The following CUX1 variants were observed in gnomAD, a reference collection of about 807,000 sequenced individuals.
CUX1 encodes the protein cut like homeobox 1.
A neutral mutation model predicts 158.8 loss-of-function variants in CUX1; 31 were observed. The ratio of observed to expected loss-of-function variants is 0.20; its 90% CI spans 0.15 to 0.26. The LOEUF (loss-of-function observed/expected upper bound fraction) is 0.26. Ranked by LOEUF, CUX1 falls within the 10% of genes least tolerant of loss-of-function variation. The pLI, the probability that CUX1 is intolerant of heterozygous loss-of-function variation, is 1.00. For synonymous variants in CUX1, 879 were observed against 862.1 expected (o/e 1.02, Z -0.34); for missense variants, 1,589 against 2,014.6 (o/e 0.79, Z 4.04).
In CUX1 at chr7:102,193,881, T is replaced by A; in HGVS notation, c.1116T>A (p.Ala372=). 6.2e-7 allele frequency: 1 copy of A among 1,614,080 alleles called. No individual in the cohort carries two copies. The highest frequency in any genetic ancestry group is 1.7e-5 in the Admixed American group (1 of 60,002). The change falls in exon 13 of 24, where the codon GCT becomes GCA. Residue 372 remains alanine (A), a synonymous_variant. Coordinates refer to ENST00000292535, the MANE Select transcript of CUX1 (RefSeq NM_181552.4). Reference sequence around the variant, plus strand: ...TGGAGTTTGCACCGTCCGAGGGCGCTGGGACACAGGTACGTGTCTCACCTC... The same window carrying A: ...TGGAGTTTGCACCGTCCGAGGGCGCAGGGACACAGGTACGTGTCTCACCTC... ...KSMEFAPSEG[A]GTQDAAKPLE...
intron 5 of CUX1, among the ~76,000 whole-genome samples, chr7:102,100,623 G>A (rs965404491): frequency 3.3e-5 from 5 of 152,208 alleles, no homozygotes; most frequent in East Asian, 1.9e-4. Context: ...GAAGGTGGGC[G>A]GTGCACATCA....
At chr7:101,982,732 T>TA (rs1305005532) in intron 2 of CUX1, among the ~76,000 whole-genome samples, 10 of 152,110 alleles carry the variant, frequency 6.6e-5, no homozygotes, top group African/African-American at 2.4e-4. Flanking sequence ...CTTTTTTTTT[T>TA]TTATTATACT....
chr7:101,888,054 C>T (rs1800433714), intron 1 of CUX1, among the ~76,000 whole-genome samples: 1 of 152,106 alleles, frequency 6.6e-6, no homozygotes, highest in South Asian at 2.1e-4. Flanking sequence ...ATTATTGAGG[C>T]CGGGTGTGGT....
intron 3 of CUX1, among the ~76,000 whole-genome samples, chr7:102,035,374 A>G (rs1301548063): frequency 1.3e-5 from 2 of 152,120 alleles, no homozygotes; most frequent in African/African-American, 4.8e-5. Flanking sequence ...CCCAACTATA[A>G]GCTAATGTAA....
intron 20 of CUX1, among the ~76,000 whole-genome samples, chr7:102,206,129 G>A (rs1300015361): frequency 6.6e-6 from 1 of 152,202 alleles, no homozygotes; most frequent in Non-Finnish European, 1.5e-5. Flanking sequence ...GGGAACAGCT[G>A]TGTGGCAGTG....
Position 102,095,002 on chromosome 7 carries a change from A to AT in CUX1, c.269-2349dup, listed in dbSNP as rs782627346. ...CAAAGAACCATCTCCCCAAGATAGC[A>AT]TTTTTTTTTTTTTCCAAGACAGGAT... On this transcript the variant is annotated intron_variant, in intron 4 of 23. Transcript: ENST00000292535. Among the ~76,000 whole-genome samples, 297 of 144,412 alleles carry AT rather than the reference A, an allele frequency of 2.1e-3. 1 individual carries two copies. Among genetic ancestry groups the AT allele is most frequent in the South Asian group, 0.011 (48 of 4,532 alleles). The allele number at this position is 144,412 out of a possible 152,430, so 94.7% of individuals were successfully genotyped here. A position where few individuals can be genotyped will look rare whatever the true frequency, so the allele number is the denominator to read the frequency against.
intron 6 of CUX1, among the ~76,000 whole-genome samples, chr7:102,110,674 AGT>A (rs1304837404): frequency 6.6e-6 from 1 of 152,240 alleles, no homozygotes; most frequent in Non-Finnish European, 1.5e-5. Context: ...ATTATGCTAT[AGT>A]GTGTTATGTG....
At chr7:102,146,746 C>G (rs1179276964) in intron 8 of CUX1, among the ~76,000 whole-genome samples, 4 of 151,986 alleles carry the variant, frequency 2.6e-5, no homozygotes, top group Non-Finnish European at 4.4e-5. Flanking sequence ...TACAGGCGCA[C>G]GCCACCACAC....
chr7:102,229,225 C>T (rs1181549568), intron 21 of CUX1, among the ~76,000 whole-genome samples: 4 of 151,904 alleles, frequency 2.6e-5, no homozygotes, highest in Non-Finnish European at 4.4e-5. Context: ...CCTGGGTGCT[C>T]GGCCTGGGTT....
At chr7:101,898,193 A>G (rs914121160) in intron 1 of CUX1, among the ~76,000 whole-genome samples, 2 of 152,074 alleles carry the variant, frequency 1.3e-5, no homozygotes, top group Non-Finnish European at 2.9e-5. Context: ...AACATGTGAG[A>G]GGTAACTGGA....
chr7:102,222,802 G>A (rs1797937587), intron 20 of CUX1, among the ~76,000 whole-genome samples: 1 of 63,108 alleles, frequency 1.6e-5, no homozygotes. Context: ...GTGTCTCGGG[G>A]CACCGTATCT....
chr7:102,215,430 A>G lies in CUX1; in HGVS notation c.3130+10260A>G, dbSNP rs183730079. ...CATTTGGCTGGGATGCCGCTCTTTC[A>G]CGGTCCACTGCCTGATTAATATGCA... On this transcript the variant is annotated intron_variant, in intron 20 of 23. Transcript: ENST00000292535. Among the ~76,000 whole-genome samples the G allele has an allele frequency of 5.0e-4, 76 of 152,232 alleles. No individual in the cohort carries two copies. The East Asian group carries it at 0.013, about 27-fold the overall frequency.
intron 20 of CUX1, among the ~76,000 whole-genome samples, chr7:102,212,576 CA>C (rs1406268483): frequency 6.6e-6 from 1 of 152,154 alleles, no homozygotes; most frequent in African/African-American, 2.4e-5. Flanking sequence ...ACCATAGTTA[CA>C]AAATGCAAGC....
rs1804255276 is a variant in CUX1, at chr7:101,916,739, G to A, written c.141+514G>A. Among the ~76,000 whole-genome samples the A allele has an allele frequency of 2.6e-5, 4 of 152,258 alleles. No homozygotes were observed. In the South Asian group the frequency reaches 8.3e-4, roughly 32 times the overall value. On this transcript the variant is annotated intron_variant, in intron 2 of 23. Transcript: ENST00000292535. This position sits in a 1 kb window ranked among gnomAD's most constrained non-coding sequence, Gnocchi z 4.4. ...TGCTAGGCCTTTTAAATGCCTCTCT[G>A]TTTCTTGAAATATGCCGTAAAGGGC...
At chr7:102,042,829 AC>A (rs1463231766) in intron 3 of CUX1, among the ~76,000 whole-genome samples, 1 of 152,148 alleles carries the variant, frequency 6.6e-6, no homozygotes, top group African/African-American at 2.4e-5. Context: ...TCCCTCTGTC[AC>A]CCAGGCTGGA....
chr7:101,860,404 A>G (rs1797315275), intron 1 of CUX1, among the ~76,000 whole-genome samples: 1 of 152,206 alleles, frequency 6.6e-6, no homozygotes, highest in African/African-American at 2.4e-5. Flanking sequence ...AGATAATGTC[A>G]CTTCGAAAAA....
chr7:102,222,811 C>CTTTTTTTTTTTTTCTT (rs1797944088), intron 20 of CUX1, among the ~76,000 whole-genome samples: 1 of 25,510 alleles, frequency 3.9e-5, no homozygotes, highest in Non-Finnish European at 6.3e-5. Context: ...GGCACCGTAT[C>CTTTTTTTTTTTTTCTT]TTTTTTTTTT....
Position 102,127,135 on chromosome 7 carries a change from G to T in CUX1, c.674+11862G>T, listed in dbSNP as rs189512811. Among the ~76,000 whole-genome samples the T allele has an allele frequency of 4.6e-5, 7 of 152,344 alleles. No individual in the cohort carries two copies. The East Asian group carries it at 1.3e-3, about 29-fold the overall frequency. The stretch of plus-strand genomic sequence containing the variant: ...CCTGCAGCGCATCTCCTGCTGTGCG[G>T]CCCAGTTCCTAGCAGGCCACAGATG... On this transcript the variant is annotated intron_variant, in intron 8 of 23. Coordinates refer to ENST00000292535, the MANE Select transcript of CUX1 (RefSeq NM_181552.4).
chr7:101,887,850 T>C (rs866420542), intron 1 of CUX1, among the ~76,000 whole-genome samples: 61,912 of 143,210 alleles, frequency 0.43, 13,694 homozygotes, highest in African/African-American at 0.58. Context: ...GACATTTTTT[T>C]TTTTTTTTTT....
Sources: allele counts gnomAD v4.1 joint callset (sites outside exome capture counted in the v4.1 genomes callset), GRCh38; gene constraint gnomAD v4.1.1; non-coding constraint Gnocchi (gnomAD v3.1); transcripts MANE v1.5; gene names NCBI Gene and HGNC (gene_info 2026-07-23, HGNC 2026-07-21).